The following B4GALT6 variants were observed in gnomAD, a reference collection of about 807,000 sequenced individuals.
B4GALT6 encodes UDP-Gal:beta-GlcNAc beta-1,4-galactosyltransferase 6.
B4GALT6 carries 14 observed loss-of-function variants against 46.3 expected under a neutral mutation model. The ratio of observed to expected loss-of-function variants is 0.30; its 90% CI spans 0.20 to 0.47. The LOEUF (loss-of-function observed/expected upper bound fraction) is 0.47, where lower values mean the gene tolerates loss of function less well. Ranked by LOEUF, B4GALT6 falls within the 20% of genes least tolerant of loss-of-function variation. The pLI, the probability that B4GALT6 is intolerant of heterozygous loss-of-function variation, is 0.99. For synonymous variants in B4GALT6, 168 were observed against 162.0 expected (o/e 1.04, Z -0.28); for missense variants, 386 against 480.1 (o/e 0.80, Z 1.83).
At chr18:31,635,743 G>A (rs1278005162) in intron 5 of B4GALT6, among the ~76,000 whole-genome samples, 3 of 152,062 alleles carry the variant, frequency 2.0e-5, no homozygotes, top group Non-Finnish European at 4.4e-5. Flanking sequence ...GCTTGAACCT[G>A]GGAGGCAGAA....
chr18:31,639,274 T>C (rs527620934), intron 4 of B4GALT6, among the ~76,000 whole-genome samples: 1 of 152,284 alleles, frequency 6.6e-6, no homozygotes, highest in East Asian at 1.9e-4. Flanking sequence ...GGGAGGGGAA[T>C]GTATCATAAG....
rs1430183123 is a variant in B4GALT6, at chr18:31,631,536, A to G, written c.589-390T>C. 2.0e-5 allele frequency among the ~76,000 whole-genome samples: 3 copies of G among 152,284 alleles called. 1 individual carries two copies. Among genetic ancestry groups the G allele is most frequent in the East Asian group, 3.9e-4 (2 of 5,194 alleles). ...CATAGAAGAAAACAGTATCTAGTCCATTGGTACATCAGCACATTTAAATAA... is the reference window on the plus strand; with the variant it reads ...CATAGAAGAAAACAGTATCTAGTCCGTTGGTACATCAGCACATTTAAATAA... On this transcript the variant is annotated intron_variant, in intron 5 of 8. Transcript: ENST00000306851.
rs748921281 is a variant in B4GALT6, at chr18:31,638,764, T to A, written c.472-4A>T. 4 of 1,587,276 alleles carry A rather than the reference T, an allele frequency of 2.5e-6. No individual in the cohort carries two copies. The highest frequency in any genetic ancestry group is 1.7e-6 in the Non-Finnish European group (2 of 1,155,626). On this transcript the variant is annotated splice_region_variant and splice_polypyrimidine_tract_variant and intron_variant, in intron 4 of 8. Coordinates refer to ENST00000306851, the MANE Select transcript of B4GALT6 (RefSeq NM_004775.5). ...GGAAAGGAATGAGAACTGCCACCTT[T>A]AAAACAAAATAGTCATGTATGTAAA...
At chr18:31,717,435 A>C in the B4GALT6 span, among the ~76,000 whole-genome samples, 1 of 152,218 alleles carries the variant, frequency 6.6e-6, no homozygotes, top group Non-Finnish European at 1.5e-5. Context: ...TGGCGACTTG[A>C]GTATGTATAC....
At chr18:31,688,199 CAT>C (rs1462529573), upstream of B4GALT6, among the ~76,000 whole-genome samples, 2 of 149,424 alleles carry the variant, frequency 1.3e-5, no homozygotes, top group Non-Finnish European at 3.0e-5. Context: ...ATATAAAAGA[CAT>C]TGGCATGATT....
upstream of B4GALT6, among the ~76,000 whole-genome samples, chr18:31,685,388 G>T (rs1265893096): frequency 6.6e-6 from 1 of 151,622 alleles, no homozygotes; most frequent in Non-Finnish European, 1.5e-5. Flanking sequence ...ACGTGAAGGG[G>T]CGGGGGAGCC....
At chr18:31,668,251 T>C (rs1166171031) in intron 1 of B4GALT6, among the ~76,000 whole-genome samples, 5 of 152,088 alleles carry the variant, frequency 3.3e-5, no homozygotes, top group Non-Finnish European at 7.4e-5. Context: ...AAGTGGGAGC[T>C]AGACACTGGG....
rs1473001608 is a variant in B4GALT6 at position 31,623,181 on chromosome 18, G to A, written c.*2433C>T. The A allele has an allele frequency of 6.6e-6, 1 of 151,950 alleles. No homozygotes were observed. The highest frequency in any genetic ancestry group is 1.9e-4 in the East Asian group (1 of 5,202). 9.4% of individuals were successfully genotyped at this position (151,950 alleles called of 1,614,324 possible). On this transcript the variant is annotated 3_prime_UTR_variant, in exon 9 of 9. Transcript: ENST00000306851. Reference sequence around the variant, plus strand: ...TCCAAACATCCTATAATTTGCATTTGCAATGTATTTGTTAATCTTTATGTA... The same window carrying A: ...TCCAAACATCCTATAATTTGCATTTACAATGTATTTGTTAATCTTTATGTA...
At chr18:31,644,083 T>C (rs934695785) in intron 4 of B4GALT6, among the ~76,000 whole-genome samples, 37 of 150,706 alleles carry the variant, frequency 2.5e-4, no homozygotes, top group Non-Finnish European at 1.2e-4. Flanking sequence ...ATGAAGAGAT[T>C]CATTTGTTAA....
chr18:31,678,845 T>C (rs2074447232), intron 1 of B4GALT6, among the ~76,000 whole-genome samples: 1 of 152,202 alleles, frequency 6.6e-6, no homozygotes, highest in Admixed American at 6.5e-5. Flanking sequence ...GCAAGGGCTC[T>C]GAGGGTGAGA....
intron 6 of B4GALT6, among the ~76,000 whole-genome samples, chr18:31,628,841 G>A (rs1205972348): frequency 5.3e-5 from 8 of 152,188 alleles, no homozygotes; most frequent in Non-Finnish European, 5.9e-5. Flanking sequence ...TACAGCTGAC[G>A]CTTGAACAAC....
chr18:31,678,889 G>A (rs1044194405), intron 1 of B4GALT6, among the ~76,000 whole-genome samples: 5 of 152,226 alleles, frequency 3.3e-5, no homozygotes, highest in African/African-American at 1.2e-4. Context: ...CAGAGATGAG[G>A]CCCAGAAGGA....
Position 31,622,678 on chromosome 18 carries a change from A to C in B4GALT6, c.*2936T>G, listed in dbSNP as rs572684121. 1.2e-4 allele frequency: 18 copies of C among 152,212 alleles called. No individual in the cohort carries two copies. Among genetic ancestry groups the C allele is most frequent in the African/African-American group, 4.3e-4 (18 of 41,574 alleles). 9.4% of individuals were successfully genotyped at this position (152,212 alleles called of 1,614,324 possible). On this transcript the variant is annotated 3_prime_UTR_variant, in exon 9 of 9. Transcript: ENST00000306851. ...GGGTATATAAGGAAATTTTTAATAC[A>C]TAACTGTATCTACTTAATATTATAA... is the stretch of plus-strand genomic sequence containing the variant.
At chr18:31,638,217 A>T (rs1031012208) in intron 5 of B4GALT6, among the ~76,000 whole-genome samples, 2 of 152,118 alleles carry the variant, frequency 1.3e-5, no homozygotes, top group African/African-American at 2.4e-5. Flanking sequence ...CCAAAATGTA[A>T]TTTCACCCAA....
intron 5 of B4GALT6, among the ~76,000 whole-genome samples, chr18:31,637,178 G>C (rs1369297809): frequency 6.6e-6 from 1 of 152,156 alleles, no homozygotes; most frequent in Non-Finnish European, 1.5e-5. Context: ...GTAAGTCAAG[G>C]TCATTTCAAC....
chr18:31,664,313 T>A (rs538689156), intron 2 of B4GALT6, among the ~76,000 whole-genome samples: 1 of 152,242 alleles, frequency 6.6e-6, no homozygotes, highest in Non-Finnish European at 1.5e-5. Flanking sequence ...GAAAGCCTCA[T>A]GTGTTTAAAC....
chr18:31,690,456 T>TTTTTG (rs575582688), upstream of B4GALT6, among the ~76,000 whole-genome samples: 422 of 148,736 alleles, frequency 2.8e-3, 2 homozygotes, highest in African/African-American at 9.8e-3. Flanking sequence ...TATTTTGTTG[T>TTTTTG]TTTTGTTTTG....
intron 5 of B4GALT6, among the ~76,000 whole-genome samples, chr18:31,635,158 G>T (rs1184966366): frequency 6.6e-6 from 1 of 151,886 alleles, no homozygotes. Flanking sequence ...TTGAACCCAG[G>T]AGGCAGAGGT....
At chr18:31,683,128 A>G (rs1313816504) in intron 1 of B4GALT6, among the ~76,000 whole-genome samples, 1 of 152,206 alleles carries the variant, frequency 6.6e-6, no homozygotes, top group Middle Eastern at 3.2e-3. Flanking sequence ...GAATCCAAAA[A>G]TTAATTATTA....
Sources: allele counts gnomAD v4.1 joint callset (sites outside exome capture counted in the v4.1 genomes callset), GRCh38; gene constraint gnomAD v4.1.1; transcripts MANE v1.5; gene names NCBI Gene and HGNC (gene_info 2026-07-23, HGNC 2026-07-21).